Variants in KTN1 observed in about 807,000 individuals in gnomAD.
The protein encoded by KTN1 is kinectin 1.
A neutral mutation model predicts 222.5 loss-of-function variants in KTN1; 130 were observed. That is an observed-to-expected ratio of 0.58 (90% CI 0.51 to 0.68). The LOEUF is 0.68. Ranked by LOEUF, KTN1 falls within the 30% of genes least tolerant of loss-of-function variation. The probability of loss-of-function intolerance (pLI) is 0.00; values close to 1 mark genes in which losing one functional copy is unlikely to be tolerated. For synonymous variants in KTN1, 512 were observed against 496.3 expected (o/e 1.03, Z -0.42); for missense variants, 1,508 against 1,500.4 (o/e 1.01, Z -0.08).
Position 55,661,623 on chromosome 14 carries a change from CT to C in KTN1, c.3090+14del. 1 of 1,417,000 alleles carries C rather than the reference CT, an allele frequency of 7.1e-7. No homozygotes were observed. The highest frequency in any genetic ancestry group is 9.9e-7 in the Non-Finnish European group (1 of 1,006,608). The allele number at this position is 1,417,000 out of a possible 1,614,324, so 87.8% of individuals were successfully genotyped here. ...AGGAAGAAAAACAATGTAAGTAGAT[CT>C]TTATCAGAATGAAGCTTTTCTTTTT... On this transcript the variant is annotated intron_variant, in intron 32 of 43. Transcript: ENST00000395314.
At position 55,672,534 on chromosome 14, in the gene KTN1, C is replaced by A. The variant is rs553535949; in HGVS notation, c.3532-96C>A. The A allele has an allele frequency of 7.1e-6, 5 of 708,936 alleles. No individual in the cohort carries two copies. The East Asian group carries it at 1.3e-4, about 19-fold the overall frequency. 43.9% of individuals were successfully genotyped at this position (708,936 alleles called of 1,614,324 possible). A position where few individuals can be genotyped will look rare whatever the true frequency, so the allele number is the denominator to read the frequency against. Reference sequence around the variant, plus strand: ...TTTTAAATGAGATGCATTTCAAAACCTTGGAAGTGTCTTTTAATTGATCAG... The same window carrying A: ...TTTTAAATGAGATGCATTTCAAAACATTGGAAGTGTCTTTTAATTGATCAG... On this transcript the variant is annotated intron_variant, in intron 37 of 43. Coordinates refer to ENST00000395314, the MANE Select transcript of KTN1 (RefSeq NM_001079521.2).
intron 20 of KTN1, 27 bp from the exon 21 acceptor site, chr14:55,648,775 T>C: frequency 1.4e-6 from 2 of 1,456,514 alleles, no homozygotes; most frequent in Non-Finnish European, 1.9e-6. Flanking sequence ...AGTAAAATCA[T>C]GTTTTGCTTA....
Position 55,671,777 on chromosome 14 carries a change from G to A in KTN1, c.3439-8G>A. ...AATTTTTCAAAACAACTATGCTTTT[G>A]TCTGTAGGAAGGAATTTTACAGAAG... On this transcript the variant is annotated splice_polypyrimidine_tract_variant and splice_region_variant and intron_variant, in intron 36 of 43. Coordinates refer to ENST00000395314, the MANE Select transcript of KTN1 (RefSeq NM_001079521.2). 6.3e-7 allele frequency: 1 copy of A among 1,598,624 alleles called. No individual in the cohort carries two copies. Among genetic ancestry groups the A allele is most frequent in the Non-Finnish European group, 8.6e-7 (1 of 1,166,530 alleles).
At chr14:55,640,708 C>T (rs1238192779) in intron 15 of KTN1, among the ~76,000 whole-genome samples, 2 of 151,556 alleles carry the variant, frequency 1.3e-5, no homozygotes, top group East Asian at 3.9e-4. Flanking sequence ...CCATTTAATT[C>T]AAAAAGGATA....
At chr14:55,683,064 G>C (rs1441188009) in intron 43 of KTN1, 1 of 152,066 alleles carries the variant, frequency 6.6e-6, no homozygotes, top group Non-Finnish European at 1.5e-5. Flanking sequence ...CTTTTGTAGG[G>C]CTCCTGAAGT....
At chr14:55,585,155 A>AAT (rs1566645746) in intron 1 of KTN1, among the ~76,000 whole-genome samples, 1 of 150,810 alleles carries the variant, frequency 6.6e-6, no homozygotes, top group Non-Finnish European at 1.5e-5. Context: ...AAAAAAAAAA[A>AAT]ATCTCACATT....
chr14:55,615,818 T>C (rs961684666), intron 2 of KTN1, among the ~76,000 whole-genome samples: 3 of 151,790 alleles, frequency 2.0e-5, no homozygotes, highest in Non-Finnish European at 4.4e-5. Flanking sequence ...TTTCCTTCCT[T>C]TCCTTCCCTT....
Position 55,633,262 on chromosome 14 carries a change from G to A in KTN1, c.1249G>A (p.Ala417Thr). The A allele has an allele frequency of 6.3e-7, 1 of 1,592,904 alleles. No homozygotes were observed. The highest frequency in any genetic ancestry group is 1.1e-5 in the South Asian group (1 of 87,944). Residue 417 changes from alanine (A) to threonine (T), a missense_variant, in exon 8 of 44, where the codon GCA (alanine) becomes ACA (threonine). By Grantham distance (58) the Ala-to-Thr change is moderately conservative. Coordinates refer to ENST00000395314, the MANE Select transcript of KTN1 (RefSeq NM_001079521.2). ...TCAGCAAGTTCGTGAGCAGATGGAG[G>A]CAGAGATAGCTCACTTGAAGCAGGA... Reference protein sequence around the residue: ...KFQQVREQMEAEIAHLKQENG... With the variant: ...KFQQVREQMETEIAHLKQENG...
intron 10 of KTN1, 28 bp from the exon 11 acceptor site, chr14:55,637,170 C>A: frequency 1.3e-6 from 2 of 1,528,786 alleles, no homozygotes; most frequent in South Asian, 1.2e-5. Context: ...AGAAAGAGAC[C>A]TCTGTAAAAT....
At chr14:55,652,393 CTT>C (rs769501863) in intron 25 of KTN1, among the ~76,000 whole-genome samples, 245 of 117,358 alleles carry the variant, frequency 2.1e-3, no homozygotes, top group African/African-American at 6.7e-3. Flanking sequence ...TCTTAAATGC[CTT>C]TTTTTTTTTT....
At chr14:55,620,299 C>T (rs902806561) in intron 5 of KTN1, among the ~76,000 whole-genome samples, 2 of 152,172 alleles carry the variant, frequency 1.3e-5, no homozygotes, top group African/African-American at 4.8e-5. Flanking sequence ...CTTTTCCAGG[C>T]TCACAGTACA....
intron 41 of KTN1, among the ~76,000 whole-genome samples, chr14:55,677,450 C>G (rs1027946422): frequency 6.9e-6 from 1 of 145,730 alleles, no homozygotes; most frequent in Non-Finnish European, 1.5e-5. Flanking sequence ...GCACTCTAGC[C>G]TGGGTGACAG....
intron 40 of KTN1, 162 bp from the exon 41 acceptor site, chr14:55,675,673 C>T (rs1016895813): frequency 2.1e-6 from 1 of 487,764 alleles, no homozygotes; most frequent in Admixed American, 3.8e-5. Flanking sequence ...AGATGGGAAC[C>T]TCTACTGCTT....
chr14:55,639,941 C>T lies in KTN1; in HGVS notation c.1852C>T (p.Gln618Ter). The T allele has an allele frequency of 6.2e-7, 1 of 1,607,088 alleles. No individual in the cohort carries two copies. The highest frequency in any genetic ancestry group is 1.1e-5 in the South Asian group (1 of 90,826). Residue 618 changes from glutamine (Q) to a stop codon, truncating the protein, a stop_gained, in exon 14 of 44, where the codon CAG becomes TAG. Coordinates refer to ENST00000395314, the MANE Select transcript of KTN1 (RefSeq NM_001079521.2). LOFTEE classifies it high-confidence loss of function. ...TGCAGAAAAGGATAAGCAGATAAAA[C>T]AGACTGAAGATTCTTTAGCAAGTGA... ...VIAEKDKQIK[Q>*]TEDSLASERD... is the part of the protein sequence containing the mutation.
In KTN1 at chr14:55,675,873, A is replaced by C. The variant is rs1229876949; in HGVS notation, c.3810A>C (p.Arg1270Ser). 6.2e-7 allele frequency: 1 copy of C among 1,613,532 alleles called. No homozygotes were observed. Among genetic ancestry groups the C allele is most frequent in the Non-Finnish European group, 8.5e-7 (1 of 1,179,516 alleles). Residue 1270 changes from arginine to serine, a missense_variant, in exon 41 of 44, where the codon AGA becomes AGC. By Grantham distance (110) the Arg-to-Ser change is moderately radical. Transcript: ENST00000395314. Reference protein sequence around the residue: ...AQLNETLTKLRTEQNERQKVA... With the variant: ...AQLNETLTKLSTEQNERQKVA... ...TAAATGAAACACTCACAAAACTTAG[A>C]ACTGAACAAAATGAAAGACAGAAGG...
intron 8 of KTN1, 50 bp downstream of exon 8, chr14:55,633,391 T>G: frequency 9.0e-7 from 1 of 1,105,514 alleles, no homozygotes; most frequent in Middle Eastern, 2.1e-4. Flanking sequence ...AGTATTTTCT[T>G]GAATCATCAA....
intron 1 of KTN1, among the ~76,000 whole-genome samples, chr14:55,597,929 G>GA (rs1281892065): frequency 1.3e-4 from 20 of 151,354 alleles, no homozygotes; most frequent in African/African-American, 3.2e-4. Context: ...GTAAGGTTTA[G>GA]AAAAAAAAAT....
chr14:55,587,111 G>A (rs2033175386), intron 1 of KTN1, among the ~76,000 whole-genome samples: 1 of 151,052 alleles, frequency 6.6e-6, no homozygotes, highest in Admixed American at 6.6e-5. Context: ...GGACTGTCTT[G>A]TTCATCGCTG....
chr14:55,653,016 G>A lies in KTN1; in HGVS notation c.2695-1G>A. On this transcript the variant is annotated splice_acceptor_variant, in intron 26 of 43. Coordinates refer to ENST00000395314, the MANE Select transcript of KTN1 (RefSeq NM_001079521.2). LOFTEE classifies it high-confidence loss of function. ...TTTAATTTACACCTATTCTTTTTAAGGATCTTCAAGAAGAAAATGAATCTT... is the reference window on the plus strand; with the variant it reads ...TTTAATTTACACCTATTCTTTTTAAAGATCTTCAAGAAGAAAATGAATCTT... 1.3e-6 allele frequency: 2 copies of A among 1,599,890 alleles called. No individual in the cohort carries two copies. The highest frequency in any genetic ancestry group is 1.7e-6 in the Non-Finnish European group (2 of 1,168,778).
Sources: gnomAD v4.1 joint callset for allele counts (sites outside exome capture counted in the v4.1 genomes callset) on GRCh38, gnomAD v4.1.1 for gene constraint, MANE v1.5 for transcripts, NCBI Gene and HGNC (gene_info 2026-07-23, HGNC 2026-07-21) for gene names.